Variants in PDZRN3 observed in about 807,000 individuals in gnomAD.
The protein encoded by PDZRN3 is PDZ domain containing ring finger 3.
In PDZRN3, 38 loss-of-function variants were observed where a neutral mutation model predicts 85.7. The observed-to-expected ratio is 0.44, with a 90% confidence interval of 0.34 to 0.58. The LOEUF (loss-of-function observed/expected upper bound fraction) is 0.58, where lower values mean the gene tolerates loss of function less well. PDZRN3 is among the 20% of genes least tolerant of loss of function. The pLI is 0.01. For missense variants in PDZRN3, 1,629 were observed against 1,506.4 expected (o/e 1.08, Z -1.35); for synonymous variants, 759 against 638.0 (o/e 1.19, Z -2.86).
chr3:73,578,013 C>T (rs545089374), intron 3 of PDZRN3, among the ~76,000 whole-genome samples: 2 of 152,214 alleles, frequency 1.3e-5, no homozygotes, highest in African/African-American at 4.8e-5. Context: ...ATTTACCATC[C>T]GGCCCTTTAC....
intron 3 of PDZRN3, among the ~76,000 whole-genome samples, chr3:73,411,434 G>C (rs1385021275): frequency 1.3e-5 from 2 of 152,202 alleles, no homozygotes; most frequent in African/African-American, 4.8e-5. Context: ...TAGTACCCCT[G>C]CTTAGGGATG....
intron 3 of PDZRN3, among the ~76,000 whole-genome samples, chr3:73,567,963 G>A (rs768214334): frequency 6.6e-6 from 1 of 152,128 alleles, no homozygotes. Context: ...TAAAACTAGT[G>A]GCTAATGCGA....
At chr3:73,429,730 A>G (rs1258643084) in intron 3 of PDZRN3, among the ~76,000 whole-genome samples, 2 of 152,214 alleles carry the variant, frequency 1.3e-5, no homozygotes, top group African/African-American at 4.8e-5. Context: ...AAGAGGCACA[A>G]ATTAATCTTA....
intron 3 of PDZRN3, among the ~76,000 whole-genome samples, chr3:73,444,071 C>T (rs1486830120): frequency 1.3e-5 from 2 of 152,200 alleles, no homozygotes. Context: ...CCTTTCCTAT[C>T]TGTCTCCTGC....
At chr3:73,428,599 G>C (rs1193229937) in intron 3 of PDZRN3, among the ~76,000 whole-genome samples, 1 of 152,070 alleles carries the variant, frequency 6.6e-6, no homozygotes, top group East Asian at 1.9e-4. Flanking sequence ...TAGGACGGTG[G>C]GTATCAAGCC....
At position 73,383,463 on chromosome 3, in the gene PDZRN3, C is replaced by T. The variant is rs1378401466; in HGVS notation, c.3103G>A (p.Asp1035Asn). 1.9e-6 allele frequency: 3 copies of T among 1,614,024 alleles called. No homozygotes were observed. The highest frequency in any genetic ancestry group is 1.7e-6 in the Non-Finnish European group (2 of 1,180,034). ...AGTTCTTGGATCGTCATCCAGTTAT[C>T]GAAGATTTTCTTATTCCTCTTCTTC... ...MMKKRNKKIF[D>N]NWMTIQELLT... The change falls in exon 10 of 10, where the codon GAT becomes AAT. Residue 1035 changes from aspartate (D) to asparagine (N), a missense_variant. Asp to Asn is a conservative substitution (Grantham distance 23). Transcript: ENST00000263666.
chr3:73,390,969 C>A (rs761524234), intron 6 of PDZRN3, 49 bp downstream of exon 6: 1 of 1,227,698 alleles, frequency 8.1e-7, no homozygotes, highest in South Asian at 1.3e-5. Flanking sequence ...AAAAAAAAAC[C>A]CTTTTGGTCT....
intron 3 of PDZRN3, among the ~76,000 whole-genome samples, chr3:73,585,655 C>T (rs1702266086): frequency 6.6e-6 from 1 of 152,148 alleles, no homozygotes; most frequent in Admixed American, 6.6e-5. Flanking sequence ...GCAATTATTT[C>T]CTGGAAGATG....
At chr3:73,545,431 T>A (rs1420143122) in intron 3 of PDZRN3, among the ~76,000 whole-genome samples, 2 of 152,198 alleles carry the variant, frequency 1.3e-5, no homozygotes, top group Non-Finnish European at 2.9e-5. Context: ...TTCTACAACT[T>A]TAGCTACGTA....
At chr3:73,433,837 T>A in intron 3 of PDZRN3, 3 of 1,456,402 alleles carry the variant, frequency 2.1e-6, no homozygotes, top group Non-Finnish European at 2.7e-6. Context: ...ACGCTTCACA[T>A]TGGCGCTGCT....
intron 3 of PDZRN3, among the ~76,000 whole-genome samples, chr3:73,492,032 A>G (rs1025022695): frequency 6.6e-6 from 1 of 152,080 alleles, no homozygotes; most frequent in African/African-American, 2.4e-5. Flanking sequence ...CTAAAGGAAA[A>G]ACACACAGAC....
chr3:73,427,119 C>G (rs1702331915), intron 3 of PDZRN3, among the ~76,000 whole-genome samples: 1 of 152,186 alleles, frequency 6.6e-6, no homozygotes, highest in Non-Finnish European at 1.5e-5. Context: ...CCCTGAAGTT[C>G]ACCAATGAAT....
chr3:73,591,824 A>G (rs4676937), intron 3 of PDZRN3, among the ~76,000 whole-genome samples: 104,767 of 152,084 alleles, frequency 0.69, 36,693 homozygotes, highest in African/African-American at 0.81. Context: ...CAGAGTCCTT[A>G]GCTCTTAACC....
chr3:73,460,189 T>C (rs1048534740), intron 3 of PDZRN3, among the ~76,000 whole-genome samples: 1 of 152,218 alleles, frequency 6.6e-6, no homozygotes, highest in Non-Finnish European at 1.5e-5. Context: ...AGTTTGTTGA[T>C]TTTGAGAACT....
chr3:73,529,502 A>T (rs1232569196), intron 3 of PDZRN3, among the ~76,000 whole-genome samples: 1 of 151,680 alleles, frequency 6.6e-6, no homozygotes, highest in East Asian at 1.9e-4. Flanking sequence ...CACCTTTGGG[A>T]CTCCTTCTGC....
chr3:73,460,961 T>C (rs939785648), intron 3 of PDZRN3, among the ~76,000 whole-genome samples: 2 of 152,050 alleles, frequency 1.3e-5, no homozygotes, highest in African/African-American at 4.8e-5. Flanking sequence ...GCTGGGCTAA[T>C]TTTTGTATTT....
intron 3 of PDZRN3, among the ~76,000 whole-genome samples, chr3:73,416,292 T>A (rs567944874): frequency 5.9e-5 from 9 of 152,268 alleles, no homozygotes; most frequent in African/African-American, 2.2e-4. Context: ...TACATTATTC[T>A]TTGTTAAGCT....
At chr3:73,500,132 C>A (rs550301091) in intron 3 of PDZRN3, among the ~76,000 whole-genome samples, 1 of 152,050 alleles carries the variant, frequency 6.6e-6, no homozygotes, top group African/African-American at 2.4e-5. Flanking sequence ...CATGGCTAAC[C>A]GCAGCCTTGA....
chr3:73,515,468 G>T (rs1415910300), intron 3 of PDZRN3, among the ~76,000 whole-genome samples: 4 of 152,056 alleles, frequency 2.6e-5, no homozygotes, highest in Admixed American at 2.6e-4. Flanking sequence ...GAGCCACCAC[G>T]CCCGGCCCAA....
Sources: gnomAD v4.1 joint callset for allele counts (sites outside exome capture counted in the v4.1 genomes callset) on GRCh38, gnomAD v4.1.1 for gene constraint, MANE v1.5 for transcripts, NCBI Gene and HGNC (gene_info 2026-07-23, HGNC 2026-07-21) for gene names.